The following LRRK1 variants were observed in gnomAD, a reference collection of about 807,000 sequenced individuals.
LRRK1 encodes the protein leucine-rich repeat serine/threonine-protein kinase 1.
In LRRK1, 113 loss-of-function variants were observed where a neutral mutation model predicts 209.1. The ratio of observed to expected loss-of-function variants is 0.54; its 90% CI spans 0.46 to 0.63. The LOEUF (loss-of-function observed/expected upper bound fraction) is 0.63. Among genes scored for constraint, LRRK1 ranks in the 30% least tolerant of loss-of-function variants. The pLI is 0.00. For synonymous variants in LRRK1, 1,144 were observed against 1,099.7 expected, an observed-to-expected ratio of 1.04 and a Z score of -0.80; for missense variants, 2,284 against 2,632.2, an observed-to-expected ratio of 0.87 and a Z score of 2.89.
At chr15:100,931,758 C>T (rs1431257725) in intron 2 of LRRK1, among the ~76,000 whole-genome samples, 1 of 152,166 alleles carries the variant, frequency 6.6e-6, no homozygotes, top group Non-Finnish European at 1.5e-5. Context: ...TCACCAGCAC[C>T]CACGGGTTCA....
At chr15:100,942,245 C>T (rs2042453523) in intron 2 of LRRK1, among the ~76,000 whole-genome samples, 1 of 152,186 alleles carries the variant, frequency 6.6e-6, no homozygotes, top group Admixed American at 6.5e-5. Flanking sequence ...GATGCTTCCA[C>T]AGCTAGTCCT....
At chr15:101,030,773 T>C (rs577863363) in intron 20 of LRRK1, among the ~76,000 whole-genome samples, 2 of 152,340 alleles carry the variant, frequency 1.3e-5, no homozygotes, top group East Asian at 1.9e-4. Context: ...TACAAAGATT[T>C]TTTCCATCAG....
At chr15:101,042,555 CTACT>C (rs1351835556) in intron 20 of LRRK1, among the ~76,000 whole-genome samples, 1 of 152,086 alleles carries the variant, frequency 6.6e-6, no homozygotes, top group Non-Finnish European at 1.5e-5. Context: ...TTACACTCCC[CTACT>C]TGTTACCTCT....
chr15:101,012,151 C>T lies in LRRK1; in HGVS notation c.1419+6C>T. On this transcript the variant is annotated splice_donor_region_variant and intron_variant, in intron 10 of 33. Transcript: ENST00000388948. ...TGGGACTTTTCCAGCTTGATGTAAG[C>T]CTAATAGCCCTTTCTTTCTCATTTT... 6.3e-7 allele frequency: 1 copy of T among 1,587,562 alleles called. No individual in the cohort carries two copies. The highest frequency in any genetic ancestry group is 8.5e-7 in the Non-Finnish European group (1 of 1,170,900).
At position 101,015,305 on chromosome 15, in the gene LRRK1, G is replaced by T. The variant is rs750088642; in HGVS notation, c.1533-21G>T. ...TTTTGTCGTGCTGTCCTCAAATTTT[G>T]TCTCTTTTTCCTCCCCCCAGAAATG... On this transcript the variant is annotated intron_variant, in intron 11 of 33. Transcript: ENST00000388948. The T allele has an allele frequency of 3.7e-6, 6 of 1,600,806 alleles. No homozygotes were observed. The African/African-American group carries it at 6.7e-5, about 18-fold the overall frequency.
chr15:101,050,633 C>T (rs1380831349), intron 23 of LRRK1: 2 of 152,612 alleles, frequency 1.3e-5, no homozygotes, highest in African/African-American at 4.8e-5. Context: ...GCCGGCCTCA[C>T]CTGCATGCAA....
At chr15:100,993,219 T>A (rs1410049395) in intron 6 of LRRK1, among the ~76,000 whole-genome samples, 1 of 152,250 alleles carries the variant, frequency 6.6e-6, no homozygotes, top group Non-Finnish European at 1.5e-5. Flanking sequence ...TTTCTTGAGT[T>A]GAATATTTAT....
chr15:101,011,254 G>T (rs1014129606), intron 9 of LRRK1, among the ~76,000 whole-genome samples: 2 of 151,794 alleles, frequency 1.3e-5, no homozygotes, highest in Non-Finnish European at 2.9e-5. Context: ...GGATCACAAG[G>T]TCAGGAGATT....
chr15:101,072,653 C>T lies in LRRK1; in HGVS notation c.*3805C>T, dbSNP rs952260679. On this transcript the variant is annotated 3_prime_UTR_variant, in exon 34 of 34. Coordinates refer to ENST00000388948, the MANE Select transcript of LRRK1 (RefSeq NM_024652.6). ...AGAAGTGAAAAAGGCCGGTCCTTGA[C>T]TTAACTGATGACATTATCTTATGAA... 2 of 154,158 alleles carry T rather than the reference C, an allele frequency of 1.3e-5. No homozygotes were observed. Among genetic ancestry groups the T allele is most frequent in the Admixed American group, 6.5e-5 (1 of 15,310 alleles). The allele number at this position is 154,158 out of a possible 1,614,324, so 9.5% of individuals were successfully genotyped here.
chr15:100,942,892 C>T (rs938635302), intron 2 of LRRK1, among the ~76,000 whole-genome samples: 10 of 152,152 alleles, frequency 6.6e-5, no homozygotes, highest in East Asian at 5.8e-4. Context: ...CACCCGGAGA[C>T]GGCCTCCATG....
intron 20 of LRRK1, among the ~76,000 whole-genome samples, chr15:101,045,333 C>T (rs570038072): frequency 3.0e-4 from 46 of 152,324 alleles, no homozygotes; most frequent in Non-Finnish European, 5.3e-4. Context: ...AGGATGCAGC[C>T]GTTGCTGGTT....
chr15:100,969,820 T>C (rs1010435781), intron 2 of LRRK1, among the ~76,000 whole-genome samples: 13 of 152,268 alleles, frequency 8.5e-5, no homozygotes, highest in African/African-American at 3.1e-4. Flanking sequence ...TGCAAAGTGA[T>C]AATCTTATTC....
At chr15:100,950,885 C>G (rs7178888) in intron 2 of LRRK1, among the ~76,000 whole-genome samples, 1 of 151,374 alleles carries the variant, frequency 6.6e-6, no homozygotes, top group African/African-American at 2.4e-5. Flanking sequence ...GGGCAGATCA[C>G]GAGGTCAGGA....
chr15:101,070,308 C>CTTTTTTTT lies in LRRK1; in HGVS notation c.*1479_*1486dup, dbSNP rs529158728. ...CTTGGAAAAAGCGAGTCCCCCCACTCTTTTTTTTTTTTTTTTTTTTTTTTT... is the reference window on the plus strand; with the variant it reads ...CTTGGAAAAAGCGAGTCCCCCCACTCTTTTTTTTTTTTTTTTTTTTTTTTTTTTTTTTT... On this transcript the variant is annotated 3_prime_UTR_variant, in exon 34 of 34. Transcript: ENST00000388948. The CTTTTTTTT allele has an allele frequency of 1.1e-5, 1 of 94,832 alleles. No homozygotes were observed. The highest frequency in any genetic ancestry group is 2.0e-5 in the Non-Finnish European group (1 of 50,176). The allele number at this position is 94,832 out of a possible 1,614,324, so 5.9% of individuals were successfully genotyped here. A position where few individuals can be genotyped will look rare whatever the true frequency, so the allele number is the denominator to read the frequency against.
intron 24 of LRRK1, 118 bp from the exon 25 acceptor site, chr15:101,052,804 T>A (rs1358911583): frequency 7.8e-7 from 1 of 1,279,528 alleles, no homozygotes; most frequent in African/African-American, 1.5e-5. Context: ...CCCAGATCTG[T>A]CCAGCCTCAC....
At chr15:101,048,091 T>C (rs1387363850) in intron 21 of LRRK1, among the ~76,000 whole-genome samples, 2 of 137,784 alleles carry the variant, frequency 1.5e-5, no homozygotes, top group East Asian at 2.5e-4. Flanking sequence ...CACAAACATA[T>C]GGAGATAGAA....
intron 3 of LRRK1, among the ~76,000 whole-genome samples, chr15:100,979,502 G>A (rs953732987): frequency 2.0e-5 from 3 of 152,118 alleles, no homozygotes; most frequent in African/African-American, 7.2e-5. Context: ...AAATTAAACT[G>A]TCTCTATGTG....
intron 3 of LRRK1, among the ~76,000 whole-genome samples, chr15:100,974,966 G>C (rs987506444): frequency 6.6e-6 from 1 of 152,224 alleles, no homozygotes. Context: ...TTAATTGATA[G>C]TTAGAATTCA....
At chr15:100,934,260 G>A (rs902190621) in intron 2 of LRRK1, among the ~76,000 whole-genome samples, 4 of 152,088 alleles carry the variant, frequency 2.6e-5, no homozygotes, top group African/African-American at 9.7e-5. Flanking sequence ...TGAAAATGCT[G>A]GCAGAAAAAT....
Sources: gnomAD v4.1 joint callset for allele counts (sites outside exome capture counted in the v4.1 genomes callset) on GRCh38, gnomAD v4.1.1 for gene constraint, MANE v1.5 for transcripts, NCBI Gene and HGNC (gene_info 2026-07-23, HGNC 2026-07-21) for gene names.